The following WDFY1 variants were observed in gnomAD, a reference collection of about 807,000 sequenced individuals.
WDFY1 encodes WD repeat and FYVE domain containing 1, also known as WD repeat and FYVE domain-containing protein 1.
Under a neutral mutation model 56.4 loss-of-function variants are expected in WDFY1, and 32 were observed. That is an observed-to-expected ratio of 0.57 (90% CI 0.43 to 0.76). The LOEUF (loss-of-function observed/expected upper bound fraction) is 0.76. WDFY1 is among the 30% of genes least tolerant of loss of function. WDFY1 has a pLI of 0.00. For synonymous variants in WDFY1, 192 were observed against 197.3 expected, an observed-to-expected ratio of 0.97 and a Z score of 0.23; for missense variants, 480 against 545.7, an observed-to-expected ratio of 0.88 and a Z score of 1.20.
At chr2:223,918,169 A>G (rs550327431) in intron 1 of WDFY1, among the ~76,000 whole-genome samples, 159 bp from the exon 2 acceptor site, 1 of 152,116 alleles carries the variant, frequency 6.6e-6, no homozygotes, top group African/African-American at 2.4e-5. Context: ...ACATGTACAC[A>G]TACATATATA....
intron 8 of WDFY1, among the ~76,000 whole-genome samples, chr2:223,889,412 C>G (rs1693229354): frequency 6.6e-6 from 1 of 152,164 alleles, no homozygotes; most frequent in Admixed American, 6.5e-5. Flanking sequence ...ACCCACATCT[C>G]ACTTAGAATT....
chr2:223,916,456 C>A (rs1157469732), intron 2 of WDFY1, among the ~76,000 whole-genome samples: 2 of 152,210 alleles, frequency 1.3e-5, no homozygotes, highest in African/African-American at 4.8e-5. Flanking sequence ...GTCAAGAGCT[C>A]TTCTTTGGAA....
At chr2:223,888,899 CTCT>C in intron 8 of WDFY1, among the ~76,000 whole-genome samples, 1 of 106,780 alleles carries the variant, frequency 9.4e-6, no homozygotes, top group African/African-American at 3.6e-5. Flanking sequence ...AAATTCTCAA[CTCT>C]TTTTTTTTTT....
At chr2:223,929,833 A>G (rs764891407) in intron 1 of WDFY1, among the ~76,000 whole-genome samples, 3 of 126,936 alleles carry the variant, frequency 2.4e-5, no homozygotes, top group Non-Finnish European at 5.1e-5. Context: ...GACTTCATTT[A>G]GTTGTTTGAC....
intron 3 of WDFY1, among the ~76,000 whole-genome samples, chr2:223,906,809 T>C (rs557894456): frequency 8.7e-5 from 13 of 149,394 alleles, no homozygotes; most frequent in Admixed American, 8.7e-4. Flanking sequence ...CGTGAGCCAC[T>C]GCACCTGGCC....
At chr2:223,886,557 T>G (rs1693177484) in intron 8 of WDFY1, among the ~76,000 whole-genome samples, 1 of 151,572 alleles carries the variant, frequency 6.6e-6, no homozygotes, top group Non-Finnish European at 1.5e-5. Context: ...AAACCCCATC[T>G]CTACTAAAAA....
chr2:223,938,139 CAT>C (rs1689232906), intron 1 of WDFY1, among the ~76,000 whole-genome samples: 1 of 152,214 alleles, frequency 6.6e-6, no homozygotes, highest in Non-Finnish European at 1.5e-5. Flanking sequence ...TTTTAAATCA[CAT>C]GAGATTTATC....
chr2:223,899,198 C>T, intron 5 of WDFY1, 128 bp from the exon 6 acceptor site: 1 of 648,736 alleles, frequency 1.5e-6, no homozygotes, highest in Non-Finnish European at 2.7e-6. Context: ...AATAAGCATA[C>T]ACGTAAAACT....
chr2:223,938,029 T>C (rs1267605036), intron 1 of WDFY1, among the ~76,000 whole-genome samples: 2 of 152,292 alleles, frequency 1.3e-5, no homozygotes, highest in South Asian at 2.1e-4. Context: ...TATTACATAT[T>C]TGGTATAATT....
chr2:223,918,139 A>C, intron 1 of WDFY1, 129 bp from the exon 2 acceptor site: 1 of 803,850 alleles, frequency 1.2e-6, no homozygotes, highest in Non-Finnish European at 2.0e-6. Context: ...TAACTGGACA[A>C]ACTGGACAAA....
intron 8 of WDFY1, among the ~76,000 whole-genome samples, chr2:223,893,345 T>C (rs1490577549): frequency 2.7e-5 from 4 of 148,388 alleles, no homozygotes; most frequent in Non-Finnish European, 5.9e-5. Flanking sequence ...AGCAAGACCC[T>C]GTCTCTACCA....
At chr2:223,887,774 T>TA (rs1304076188) in intron 8 of WDFY1, among the ~76,000 whole-genome samples, 1 of 151,984 alleles carries the variant, frequency 6.6e-6, no homozygotes, top group African/African-American at 2.4e-5. Flanking sequence ...AAAATTTGGT[T>TA]AAAAAAAATA....
At chr2:223,902,552 G>A (rs563459848) in intron 4 of WDFY1, among the ~76,000 whole-genome samples, 2 of 152,186 alleles carry the variant, frequency 1.3e-5, no homozygotes, top group African/African-American at 2.4e-5. Context: ...GTAAGACAGC[G>A]AGACCCTGTC....
chr2:223,915,986 G>T (rs1223243272), intron 2 of WDFY1, among the ~76,000 whole-genome samples: 2 of 152,192 alleles, frequency 1.3e-5, no homozygotes, highest in Non-Finnish European at 2.9e-5. Context: ...GCAGACATGG[G>T]TAACAGAAGA....
At position 223,878,465 on chromosome 2, in the gene WDFY1, C is replaced by T. The variant is rs1486518930; in HGVS notation, c.*206G>A. The T allele has an allele frequency of 5.7e-6, 3 of 526,252 alleles. No homozygotes were observed. Among genetic ancestry groups the T allele is most frequent in the African/African-American group, 3.9e-5 (2 of 51,366 alleles). 32.6% of individuals were successfully genotyped at this position (526,252 alleles called of 1,614,324 possible). On this transcript the variant is annotated 3_prime_UTR_variant, in exon 12 of 12. Coordinates refer to ENST00000233055, the MANE Select transcript of WDFY1 (RefSeq NM_020830.5). The stretch of plus-strand genomic sequence containing the variant: ...AGTAATTCCAGTCTTCAGGGAACCA[C>T]TATGGACAGACCTTTTCCATATTAG...
intron 1 of WDFY1, among the ~76,000 whole-genome samples, chr2:223,925,951 G>A (rs1207098107): frequency 6.6e-6 from 1 of 152,028 alleles, no homozygotes. Context: ...GTTACTGAAG[G>A]CTTGAACCCC....
chr2:223,883,453 C>T (rs1693109611), intron 9 of WDFY1, among the ~76,000 whole-genome samples: 1 of 152,080 alleles, frequency 6.6e-6, no homozygotes, highest in African/African-American at 2.4e-5. Flanking sequence ...GGGAATACTT[C>T]ACCTATTAAT....
chr2:223,944,363 GGA>G (rs1476677043), intron 1 of WDFY1, among the ~76,000 whole-genome samples: 4 of 152,280 alleles, frequency 2.6e-5, no homozygotes, highest in Admixed American at 1.3e-4. Context: ...ACCCCGCCAG[GGA>G]GAGAGACCGG....
At position 223,880,606 on chromosome 2, in the gene WDFY1, CAAA is replaced by C. The variant is rs10586635; in HGVS notation, c.1065-377_1065-375del. Among the ~76,000 whole-genome samples the C allele has an allele frequency of 2.3e-3, 291 of 125,336 alleles. 2 individuals carry two copies. The highest frequency in any genetic ancestry group is 4.3e-3 in the Admixed American group (53 of 12,384). 82.2% of individuals were successfully genotyped at this position (125,336 alleles called of 152,430 possible). On this transcript the variant is annotated intron_variant, in intron 10 of 11. Transcript: ENST00000233055. ...CAGGTGATCAACCAAGACTCAGTCT[CAAA>C]AAAAAAAAAAAAAAAAAAGTAAATG... is the stretch of plus-strand genomic sequence containing the variant.
Sources: allele counts gnomAD v4.1 joint callset (sites outside exome capture counted in the v4.1 genomes callset), GRCh38; gene constraint gnomAD v4.1.1; transcripts MANE v1.5; gene names NCBI Gene and HGNC (gene_info 2026-07-23, HGNC 2026-07-21).